The following THRA variants were observed in gnomAD, a reference collection of about 807,000 sequenced individuals.
THRA encodes EAR-7.
A neutral mutation model predicts 45.0 loss-of-function variants in THRA; 13 were observed. The observed-to-expected ratio is 0.29, with a 90% CI of 0.19 to 0.46. The LOEUF is 0.46. Ranked by LOEUF, THRA falls within the 20% of genes least tolerant of loss-of-function variation. THRA has a pLI of 1.00. For missense variants in THRA, 278 were observed against 556.1 expected (o/e 0.50, Z 5.03); for synonymous variants, 195 against 214.0 (o/e 0.91, Z 0.78).
chr17:40,093,751 G>T, downstream of THRA: 1 of 663,472 alleles, frequency 1.5e-6, no homozygotes, highest in South Asian at 1.9e-5. The surrounding 1 kb of genome is among the most constrained non-coding windows in gnomAD (Gnocchi z 5.9). Context: ...TTTATAATTA[G>T]TCGGGCATGA....
downstream of THRA, chr17:40,093,509 C>T (rs905732288): frequency 5.8e-5 from 80 of 1,386,292 alleles, no homozygotes; most frequent in Middle Eastern, 2.6e-4. This position sits in a 1 kb window ranked among gnomAD's most constrained non-coding sequence, Gnocchi z 5.9. Flanking sequence ...CCTCCCATCC[C>T]GTAAGACCAC....
intron 2 of THRA, among the ~76,000 whole-genome samples, chr17:40,075,582 G>A (rs547213612): frequency 1.1e-4 from 17 of 152,250 alleles, no homozygotes; most frequent in African/African-American, 4.1e-4. Context: ...GCTTCTGTGG[G>A]TCTGGAAGAG....
rs937501116 is a variant in THRA at position 40,090,598 on chromosome 17, A to T, written c.*1142A>T. 2.0e-5 allele frequency: 3 copies of T among 149,194 alleles called. No individual in the cohort carries two copies. Among genetic ancestry groups the T allele is most frequent in the Non-Finnish European group, 4.5e-5 (3 of 66,708 alleles). The allele number at this position is 149,194 out of a possible 1,614,324, so 9.2% of individuals were successfully genotyped here. A position where few individuals can be genotyped will look rare whatever the true frequency, so the allele number is the denominator to read the frequency against. On this transcript the variant is annotated 3_prime_UTR_variant, in exon 9 of 9. Coordinates refer to ENST00000450525, the MANE Select transcript of THRA (RefSeq NM_199334.5). ...AGGGCTGTGCGTGAGCGTCTCCCAG[A>T]ACCCTCCACCCCTTTAGCACTCTGT...
At chr17:40,074,954 G>A (rs570221916) in intron 2 of THRA, among the ~76,000 whole-genome samples, 10 of 152,322 alleles carry the variant, frequency 6.6e-5, no homozygotes, top group Non-Finnish European at 1.5e-5. Context: ...TGCGGTTCAC[G>A]TAATACATTT....
At chr17:40,087,382 GAC>G (rs377283004) in intron 7 of THRA, among the ~76,000 whole-genome samples, 14 of 69,810 alleles carry the variant, frequency 2.0e-4, no homozygotes, top group South Asian at 1.3e-3. Flanking sequence ...CTAGCACACA[GAC>G]ACACACACAC....
At position 40,083,908 on chromosome 17, in the gene THRA, T is replaced by C; in HGVS notation, c.296T>C (p.Ile99Thr). ...TGCAAATATGACAGCTGCTGTGTCATTGACAAGATCACCCGCAATCAGTGC... is the reference window on the plus strand; with the variant it reads ...TGCAAATATGACAGCTGCTGTGTCACTGACAAGATCACCCGCAATCAGTGC... Reference protein sequence around the residue: ...YSCKYDSCCVIDKITRNQCQL... With the variant: ...YSCKYDSCCVTDKITRNQCQL... Residue 99 changes from isoleucine to threonine, a missense_variant, in exon 5 of 9, where the codon ATT (isoleucine) becomes ACT (threonine). This residue lies in a region of THRA where 111 missense variants were observed against 167.1 expected (regional missense o/e 0.66). Transcript: ENST00000450525. 2.5e-6 allele frequency: 4 copies of C among 1,614,040 alleles called. No homozygotes were observed. Among genetic ancestry groups the C allele is most frequent in the Non-Finnish European group, 3.4e-6 (4 of 1,179,926 alleles).
rs957223970 is a variant in THRA at position 40,088,153 on chromosome 17, C to T, written c.724-89C>T. 5.3e-6 allele frequency: 8 copies of T among 1,496,112 alleles called. No homozygotes were observed. The African/African-American group carries it at 8.4e-5, about 16-fold the overall frequency. The allele number at this position is 1,496,112 out of a possible 1,614,324, so 92.7% of individuals were successfully genotyped here. A position where few individuals can be genotyped will look rare whatever the true frequency, so the allele number is the denominator to read the frequency against. ...TCAGAGTCCATGGGGGCCTTGCGGG[C>T]CTCACGGCTCCCGTAGGACACTCTA... On this transcript the variant is annotated intron_variant, in intron 7 of 8. Transcript: ENST00000450525.
chr17:40,083,699 G>T (rs942489142), intron 4 of THRA, 136 bp from the exon 5 acceptor site: 8 of 1,172,488 alleles, frequency 6.8e-6, no homozygotes, highest in Non-Finnish European at 9.5e-6. Flanking sequence ...GGCTCATGGT[G>T]TCAGGAGGAT....
At chr17:40,078,792 T>C (rs965015027) in intron 4 of THRA, among the ~76,000 whole-genome samples, 4 of 142,532 alleles carry the variant, frequency 2.8e-5, no homozygotes, top group African/African-American at 5.2e-5. Flanking sequence ...AGTGCAATGG[T>C]GTGATCTCGG....
chr17:40,080,545 C>T (rs566528790), intron 4 of THRA, among the ~76,000 whole-genome samples: 1 of 152,092 alleles, frequency 6.6e-6, no homozygotes, highest in African/African-American at 2.4e-5. Flanking sequence ...CTTCTGGAAG[C>T]AATACAAACA....
intron 7 of THRA, among the ~76,000 whole-genome samples, chr17:40,087,812 G>A (rs1987385825): frequency 6.6e-6 from 1 of 152,198 alleles, no homozygotes; most frequent in African/African-American, 2.4e-5. Flanking sequence ...AGGCTGGAGT[G>A]CAGTGACGCG....
At chr17:40,067,676 A>T (rs778366506) in intron 1 of THRA, among the ~76,000 whole-genome samples, 6 of 152,124 alleles carry the variant, frequency 3.9e-5, no homozygotes, top group Non-Finnish European at 8.8e-5. Flanking sequence ...CAATGGGAGG[A>T]TACCCTGTAG....
At chr17:40,077,051 C>A in intron 3 of THRA, 113 bp downstream of exon 3, 2 of 1,113,028 alleles carry the variant, frequency 1.8e-6, no homozygotes, top group Non-Finnish European at 2.6e-6. Flanking sequence ...TGGGGGGAGC[C>A]TCCTAGAGGG....
rs1167667348 is a variant in THRA, at chr17:40,089,887, GGCTGAGGGCCTCTCT to G, written c.*432_*446del. The G allele has an allele frequency of 4.0e-6, 4 of 1,006,276 alleles. No individual in the cohort carries two copies. In the African/African-American group the frequency reaches 6.9e-5, roughly 17 times the overall value. The allele number at this position is 1,006,276 out of a possible 1,614,324, so 62.3% of individuals were successfully genotyped here. ...TTCCTTGGCCTAGGTCTCCCCTCCA[GGCTGAGGGCCTCTCT>G]ACTTCCCCAGATGCCTGGGTGCAAA... On this transcript the variant is annotated 3_prime_UTR_variant, in exon 9 of 9. Coordinates refer to ENST00000450525, the MANE Select transcript of THRA (RefSeq NM_199334.5). The surrounding 1 kb of genome is among the most constrained non-coding windows in gnomAD (Gnocchi z 6.1).
chr17:40,082,554 G>A (rs1039126287), intron 4 of THRA, among the ~76,000 whole-genome samples: 5 of 151,542 alleles, frequency 3.3e-5, no homozygotes, highest in Non-Finnish European at 7.4e-5. Context: ...TAGAGATGGG[G>A]TTTCACCATG....
intron 7 of THRA, chr17:40,087,073 C>G (rs1480900043): frequency 3.5e-6 from 2 of 568,630 alleles, no homozygotes; most frequent in Admixed American, 3.2e-5. Flanking sequence ...ACACACACAC[C>G]TAGCATACAG....
intron 1 of THRA, among the ~76,000 whole-genome samples, chr17:40,067,236 C>G (rs1247264039): frequency 6.6e-6 from 1 of 152,202 alleles, no homozygotes; most frequent in Admixed American, 6.5e-5. Context: ...GCCCTTGGCC[C>G]CTCAGCCTGG....
chr17:40,074,245 G>A lies in THRA; in HGVS notation c.-244G>A, dbSNP rs1478821940. The A allele has an allele frequency of 7.3e-6, 4 of 551,322 alleles. No individual in the cohort carries two copies. Among genetic ancestry groups the A allele is most frequent in the East Asian group, 6.2e-5 (2 of 32,358 alleles). 34.2% of individuals were successfully genotyped at this position (551,322 alleles called of 1,614,324 possible). On this transcript the variant is annotated 5_prime_UTR_variant, in exon 2 of 9. Coordinates refer to ENST00000450525, the MANE Select transcript of THRA (RefSeq NM_199334.5). ...GCTACTCCCCCAGCACACAGCCCGG[G>A]ACCCACAAACCCAGCTTGCCCCCAG...
At chr17:40,072,944 G>A (rs2145052988) in intron 1 of THRA, among the ~76,000 whole-genome samples, 1 of 152,336 alleles carries the variant, frequency 6.6e-6, no homozygotes, top group South Asian at 2.1e-4. Context: ...CTGGTCTGGG[G>A]TGGGTATCAG....
Sources: gnomAD v4.1 joint callset for allele counts (sites outside exome capture counted in the v4.1 genomes callset) on GRCh38, gnomAD v4.1.1 for gene constraint, gnomAD v4.1.1 regional missense constraint, Gnocchi (gnomAD v3.1) non-coding constraint, MANE v1.5 for transcripts, NCBI Gene and HGNC (gene_info 2026-07-23, HGNC 2026-07-21) for gene names.